Variants in PDE8A observed in about 807,000 individuals in gnomAD.
PDE8A encodes the protein phosphodiesterase 8A, also known as high affinity cAMP-specific and IBMX-insensitive 3',5'-cyclic phosphodiesterase 8A.
Under a neutral mutation model 105.0 loss-of-function variants are expected in PDE8A, and 59 were observed. The observed-to-expected ratio is 0.56, with a 90% CI of 0.46 to 0.70. The LOEUF is 0.70. PDE8A is among the 30% of genes least tolerant of loss of function. The pLI is 0.00. For missense variants in PDE8A, 1,014 were observed against 1,045.9 expected (o/e 0.97, Z 0.42); for synonymous variants, 355 against 371.9 (o/e 0.95, Z 0.52).
intron 1 of PDE8A, among the ~76,000 whole-genome samples, chr15:85,022,880 ATATT>A (rs1043691774): frequency 9.9e-5 from 15 of 152,108 alleles, no homozygotes; most frequent in African/African-American, 1.2e-4. Flanking sequence ...GATCAAGAGA[ATATT>A]TATTTTGTTG....
At chr15:85,007,298 G>C (rs1464012686) in intron 1 of PDE8A, among the ~76,000 whole-genome samples, 2 of 151,788 alleles carry the variant, frequency 1.3e-5, no homozygotes, top group South Asian at 4.2e-4. Flanking sequence ...CAGCATGGGT[G>C]GTGGTGGTAA....
intron 17 of PDE8A, among the ~76,000 whole-genome samples, chr15:85,118,558 C>T (rs1049296883): frequency 2.0e-5 from 3 of 152,230 alleles, no homozygotes; most frequent in Admixed American, 6.5e-5. Context: ...CTGATATTGT[C>T]ATTCCCAGGA....
rs760191600 is a variant in PDE8A, at chr15:85,120,952, G to A, written c.1890G>A (p.Ala630=). The change falls in exon 18 of 22, where the codon GCG becomes GCA. Residue 630 remains alanine, a synonymous_variant. Transcript: ENST00000394553. Reference sequence around the variant, plus strand: ...CTGCTGTGCTGGAGAGCCACCATGCGGCCTTGGCCTTCCAGCTGACCACTG... The same window carrying A: ...CTGCTGTGCTGGAGAGCCACCATGCAGCCTTGGCCTTCCAGCTGACCACTG... ...NDTAVLESHH[A]ALAFQLTTGD... 7.4e-6 allele frequency: 12 copies of A among 1,613,928 alleles called. No homozygotes were observed. Among genetic ancestry groups the A allele is most frequent in the East Asian group, 4.5e-5 (2 of 44,894 alleles).
At chr15:85,066,583 AACACACACACACACACACACACACAC>A (rs57124766) in intron 2 of PDE8A, among the ~76,000 whole-genome samples, 17,935 of 116,974 alleles carry the variant, frequency 0.15, 1,515 homozygotes, top group East Asian at 0.36. Context: ...ATCCCCCCAA[AACACACACACACACACACACACACAC>A]ACACACACAC....
intron 4 of PDE8A, among the ~76,000 whole-genome samples, chr15:85,076,497 CCTG>C (rs980606303): frequency 2.2e-4 from 34 of 151,582 alleles, no homozygotes; most frequent in Admixed American, 1.7e-3. Flanking sequence ...CTCCTGTATT[CCTG>C]CTATTAATGT....
intron 1 of PDE8A, among the ~76,000 whole-genome samples, chr15:85,034,492 C>T (rs1053497060): frequency 1.3e-5 from 2 of 152,014 alleles, no homozygotes; most frequent in Non-Finnish European, 2.9e-5. Flanking sequence ...TATAACTAAC[C>T]ACCTGTGGGA....
rs1270901634 is a variant in PDE8A, at chr15:85,117,643, C to G, written c.1538C>G (p.Pro513Arg). 6.2e-7 allele frequency: 1 copy of G among 1,613,760 alleles called. No individual in the cohort carries two copies. The highest frequency in any genetic ancestry group is 2.2e-5 in the East Asian group (1 of 44,880). The change falls in exon 17 of 22, where the codon CCT becomes CGT. Residue 513 changes from proline to arginine, a missense_variant and splice_region_variant. By Grantham distance (103) the Pro-to-Arg change is moderately radical (BLOSUM62 -2). Transcript: ENST00000394553. ...FELEAATHNR[P>R]LIYLGLKMFA... ...TGTGGGGTTTTTTCTGTCTATAGGC[C>G]TTTGATTTATCTTGGTCTCAAAATG...
chr15:85,060,683 G>A (rs768937596), intron 1 of PDE8A, among the ~76,000 whole-genome samples: 3 of 152,038 alleles, frequency 2.0e-5, no homozygotes, highest in Non-Finnish European at 2.9e-5. Flanking sequence ...ACTTTCAAAT[G>A]TCTCTTATTT....
At chr15:85,062,465 G>A (rs1440000489) in intron 1 of PDE8A, 2 of 152,204 alleles carry the variant, frequency 1.3e-5, no homozygotes, top group African/African-American at 2.4e-5. Context: ...AAAATGAAAG[G>A]AGAGGAAGGG....
intron 20 of PDE8A, among the ~76,000 whole-genome samples, chr15:85,132,201 G>C (rs545587486): frequency 3.3e-5 from 5 of 152,130 alleles, no homozygotes; most frequent in Non-Finnish European, 7.4e-5. Flanking sequence ...TGAACTCCTG[G>C]GTTCAAGAAA....
chr15:85,093,445 G>C (rs886748070), intron 8 of PDE8A, among the ~76,000 whole-genome samples: 6 of 152,208 alleles, frequency 3.9e-5, no homozygotes, highest in African/African-American at 1.4e-4. Flanking sequence ...CTGTGATCAG[G>C]AAGGGGAATT....
rs750903696 is a variant in PDE8A, at chr15:85,113,379, T to G, written c.1117T>G (p.Ser373Ala). ...KAVASRATEVSSQRRHSSMAR... is the reference protein window; with the variant it reads ...KAVASRATEVASQRRHSSMAR... ...TTTGTGCATCCCTTTCTCCACAGTT[T>G]CCAGCCAGAGACGACACTCTTCCAT... The change falls in exon 13 of 22, where the codon TCC becomes GCC. Residue 373 changes from serine to alanine, a missense_variant and splice_region_variant. Transcript: ENST00000394553. 2 of 1,613,924 alleles carry G rather than the reference T, an allele frequency of 1.2e-6. No individual in the cohort carries two copies. Among genetic ancestry groups the G allele is most frequent in the African/African-American group, 1.3e-5 (1 of 74,894 alleles).
At chr15:85,104,881 G>A (rs1020343858) in intron 11 of PDE8A, among the ~76,000 whole-genome samples, 2 of 152,146 alleles carry the variant, frequency 1.3e-5, no homozygotes, top group African/African-American at 4.8e-5. Flanking sequence ...GGGGAGCACT[G>A]AGGAGCAGGA....
At chr15:85,127,502 G>C (rs181160649) in intron 20 of PDE8A, among the ~76,000 whole-genome samples, 21 of 152,270 alleles carry the variant, frequency 1.4e-4, no homozygotes, top group Non-Finnish European at 2.2e-4. Flanking sequence ...ATATACAAAA[G>C]TGAGTTGTAT....
At chr15:85,059,795 A>G (rs1008074257) in intron 1 of PDE8A, among the ~76,000 whole-genome samples, 4 of 152,296 alleles carry the variant, frequency 2.6e-5, no homozygotes, top group African/African-American at 9.6e-5. Flanking sequence ...ATCCATTTAT[A>G]TTTAAAGTAA....
intron 6 of PDE8A, among the ~76,000 whole-genome samples, chr15:85,086,318 CAGATT>C (rs1426763473): frequency 6.6e-5 from 10 of 152,138 alleles, no homozygotes; most frequent in African/African-American, 2.4e-4. Context: ...GGAAGATAAT[CAGATT>C]AGACAACATA....
At position 85,067,096 on chromosome 15, in the gene PDE8A, T is replaced by C. The variant is rs542989046; in HGVS notation, c.326T>C (p.Val109Ala). The C allele has an allele frequency of 5.3e-5, 85 of 1,613,562 alleles. No individual in the cohort carries two copies. The highest frequency in any genetic ancestry group is 7.0e-5 in the Non-Finnish European group (83 of 1,179,580). The change falls in exon 3 of 22, where the codon GTT becomes GCT. Residue 109 changes from valine to alanine, a missense_variant. Val to Ala is a moderately conservative substitution (Grantham distance 64, BLOSUM62 0). Transcript: ENST00000394553. ...GAAAAAGCAGGGTTTAAGTGTACAG[T>C]TACCAAGGAGGCTCAGGCTGTCCTT... Reference protein sequence around the residue: ...ACEKAGFKCTVTKEAQAVLAC... With the variant: ...ACEKAGFKCTATKEAQAVLAC...
intron 1 of PDE8A, among the ~76,000 whole-genome samples, chr15:85,036,676 G>A (rs1220136941): frequency 6.6e-6 from 1 of 152,136 alleles, no homozygotes; most frequent in Admixed American, 6.5e-5. Flanking sequence ...CTATACTTTG[G>A]TAGAAAAGGA....
rs150981575 is a variant in PDE8A at position 84,989,793 on chromosome 15, A to G, written c.186+7445A>G. On this transcript the variant is annotated intron_variant, in intron 1 of 21. Transcript: ENST00000394553. ...AGGCAAACTTGGTTCAAATATATCTATTTTTTAACGCAGATCTCATTTTTA... is the reference window on the plus strand; with the variant it reads ...AGGCAAACTTGGTTCAAATATATCTGTTTTTTAACGCAGATCTCATTTTTA... Among the ~76,000 whole-genome samples the G allele has an allele frequency of 2.9e-3, 437 of 152,320 alleles. 2 individuals carry two copies. Among genetic ancestry groups the G allele is most frequent in the African/African-American group, 9.9e-3 (412 of 41,580 alleles).
Sources: gnomAD v4.1 joint callset for allele counts (sites outside exome capture counted in the v4.1 genomes callset) on GRCh38, gnomAD v4.1.1 for gene constraint, MANE v1.5 for transcripts, NCBI Gene and HGNC (gene_info 2026-07-23, HGNC 2026-07-21) for gene names.